TMTC3: variants seen among roughly 807,000 people sequenced by gnomAD.
TMTC3 encodes protein O-mannosyl-transferase TMTC3.
TMTC3 carries 52 observed loss-of-function variants against 92.2 expected under a neutral mutation model. The observed-to-expected ratio is 0.56, with a 90% CI of 0.45 to 0.71. The LOEUF is 0.71. Among genes scored for constraint, TMTC3 ranks in the 30% least tolerant of loss-of-function variants. The pLI, the probability that TMTC3 is intolerant of heterozygous loss-of-function variation, is 0.00. For synonymous variants in TMTC3, 339 were observed against 363.3 expected, an observed-to-expected ratio of 0.93 and a Z score of 0.76; for missense variants, 896 against 1,057.1, an observed-to-expected ratio of 0.85 and a Z score of 2.11.
At chr12:88,162,663 A>G (rs1024477283) in intron 6 of TMTC3, among the ~76,000 whole-genome samples, 6 of 151,994 alleles carry the variant, frequency 3.9e-5, no homozygotes, top group Non-Finnish European at 8.8e-5. Flanking sequence ...CTATATCTCT[A>G]CATGTTCTAT....
At chr12:88,155,456 T>C (rs1343537459) in intron 4 of TMTC3, among the ~76,000 whole-genome samples, 1 of 152,182 alleles carries the variant, frequency 6.6e-6, no homozygotes, top group African/African-American at 2.4e-5. Context: ...CCTACAGGAT[T>C]ATAATCAGGC....
At chr12:88,159,209 A>G (rs2041046823) in intron 4 of TMTC3, among the ~76,000 whole-genome samples, 1 of 152,172 alleles carries the variant, frequency 6.6e-6, no homozygotes. Context: ...CAAGTTCACA[A>G]TGAACTTTCA....
At chr12:88,152,788 C>T (rs1398263200) in intron 2 of TMTC3, among the ~76,000 whole-genome samples, 1 of 152,102 alleles carries the variant, frequency 6.6e-6, no homozygotes, top group Non-Finnish European at 1.5e-5. Context: ...CAGATTTACA[C>T]ATTATGGAGA....
intron 13 of TMTC3, among the ~76,000 whole-genome samples, chr12:88,194,564 T>C (rs911217301): frequency 6.6e-6 from 1 of 152,182 alleles, no homozygotes; most frequent in Non-Finnish European, 1.5e-5. Context: ...CTATTTCCAA[T>C]TGAATTCTAA....
chr12:88,152,651 C>G (rs574825158), intron 2 of TMTC3, among the ~76,000 whole-genome samples: 5 of 152,072 alleles, frequency 3.3e-5, no homozygotes, highest in Non-Finnish European at 7.4e-5. Context: ...AGATTCAGTA[C>G]TTTACATGAA....
chr12:88,143,969 T>C (rs2040834847), intron 1 of TMTC3, among the ~76,000 whole-genome samples: 1 of 152,248 alleles, frequency 6.6e-6, no homozygotes, highest in Non-Finnish European at 1.5e-5. Context: ...CACATTGCCA[T>C]GGCATCTGTA....
At chr12:88,182,790 C>T (rs964674173) in intron 10 of TMTC3, among the ~76,000 whole-genome samples, 1 of 152,152 alleles carries the variant, frequency 6.6e-6, no homozygotes, top group Admixed American at 6.5e-5. Flanking sequence ...TGTTCAGCAT[C>T]CCTTGAGGAA....
intron 7 of TMTC3, among the ~76,000 whole-genome samples, chr12:88,170,221 G>C (rs549182520): frequency 6.6e-6 from 1 of 152,230 alleles, no homozygotes; most frequent in Admixed American, 6.5e-5. Context: ...GATTTTTCCT[G>C]AGAGATTTTT....
At chr12:88,191,961 A>C (rs2041447833) in intron 12 of TMTC3, among the ~76,000 whole-genome samples, 1 of 149,966 alleles carries the variant, frequency 6.7e-6, no homozygotes. Context: ...TGCCCACCTC[A>C]GCCTCCCAAA....
At chr12:88,181,977 C>T (rs2041323048) in intron 10 of TMTC3, among the ~76,000 whole-genome samples, 2 of 152,190 alleles carry the variant, frequency 1.3e-5, no homozygotes, top group Admixed American at 1.3e-4. Context: ...GAAGGGCATG[C>T]TCTGCATGGC....
At chr12:88,147,260 T>C (rs940835145) in intron 1 of TMTC3, among the ~76,000 whole-genome samples, 2 of 152,124 alleles carry the variant, frequency 1.3e-5, no homozygotes, top group Non-Finnish European at 2.9e-5. Context: ...ACTTTTTTCT[T>C]CTATTAATTT....
intron 6 of TMTC3, among the ~76,000 whole-genome samples, chr12:88,161,566 GT>G (rs2041079831): frequency 6.6e-6 from 1 of 151,934 alleles, no homozygotes; most frequent in Non-Finnish European, 1.5e-5. Context: ...AATTGATATA[GT>G]TTGATGGAAA....
At chr12:88,166,257 G>A (rs1252235842) in intron 6 of TMTC3, 73 bp from the exon 7 acceptor site, 1 of 1,375,208 alleles carries the variant, frequency 7.3e-7, no homozygotes, top group East Asian at 2.5e-5. Context: ...TTATTGTTTA[G>A]TGTTTTACTT....
chr12:88,179,470 TATATAAGACTTAGGCC>T (rs2041293712), intron 10 of TMTC3, among the ~76,000 whole-genome samples: 1 of 152,206 alleles, frequency 6.6e-6, no homozygotes, highest in South Asian at 2.1e-4. Context: ...AAATACTGGT[TATATAAGACTTAGGCC>T]AGTTTCTAGG....
intron 10 of TMTC3, among the ~76,000 whole-genome samples, chr12:88,178,733 T>C (rs1208631414): frequency 2.0e-5 from 3 of 152,166 alleles, no homozygotes; most frequent in Non-Finnish European, 4.4e-5. Context: ...ATTAATTATA[T>C]TCTAAGAGTT....
chr12:88,147,420 G>A (rs1317101728), intron 1 of TMTC3, among the ~76,000 whole-genome samples: 1 of 152,122 alleles, frequency 6.6e-6, no homozygotes, highest in African/African-American at 2.4e-5. Context: ...CCCAAAGGTA[G>A]ATATCCTGAG....
chr12:88,149,830 AT>A (rs2040920315), intron 2 of TMTC3, among the ~76,000 whole-genome samples: 2 of 152,138 alleles, frequency 1.3e-5, no homozygotes, highest in South Asian at 4.1e-4. Context: ...TTGAAAAAAA[AT>A]CTTTTGATAG....
At chr12:88,157,450 A>AT (rs1291952304) in intron 4 of TMTC3, among the ~76,000 whole-genome samples, 4 of 151,846 alleles carry the variant, frequency 2.6e-5, no homozygotes, top group Admixed American at 2.6e-4. Context: ...TTTACACTTG[A>AT]TTTTTTATTA....
At chr12:88,180,611 A>G (rs1319803568) in intron 10 of TMTC3, among the ~76,000 whole-genome samples, 1 of 152,104 alleles carries the variant, frequency 6.6e-6, no homozygotes, top group Non-Finnish European at 1.5e-5. Flanking sequence ...CCCGCAGGTA[A>G]TGTTTGGGGC....
Sources: gnomAD v4.1 joint callset for allele counts (sites outside exome capture counted in the v4.1 genomes callset) on GRCh38, gnomAD v4.1.1 for gene constraint, MANE v1.5 for transcripts, NCBI Gene and HGNC (gene_info 2026-07-23, HGNC 2026-07-21) for gene names.